ITGAX: variants seen among roughly 807,000 people sequenced by gnomAD.
The protein encoded by ITGAX is integrin subunit alpha X.
A neutral mutation model predicts 140.2 loss-of-function variants in ITGAX; 99 were observed. The ratio of observed to expected loss-of-function variants is 0.71; its 90% confidence interval spans 0.60 to 0.83. The LOEUF is 0.83. Ranked by LOEUF, ITGAX falls within the 40% of genes least tolerant of loss-of-function variation. The pLI, the probability that ITGAX is intolerant of heterozygous loss-of-function variation, is 0.00. For synonymous variants in ITGAX, 631 were observed against 600.4 expected, an observed-to-expected ratio of 1.05 and a Z score of -0.75; for missense variants, 1,444 against 1,482.0, an observed-to-expected ratio of 0.97 and a Z score of 0.42.
intron 14 of ITGAX, among the ~76,000 whole-genome samples, chr16:31,370,674 C>T (rs2080946351): frequency 6.6e-6 from 1 of 152,146 alleles, no homozygotes; most frequent in African/African-American, 2.4e-5. Flanking sequence ...TGGCTGTATC[C>T]TGGGTGCTGT....
In ITGAX at chr16:31,363,510, G is replaced by C; in HGVS notation, c.1710+136G>C. On this transcript the variant is annotated intron_variant, in intron 14 of 29. Coordinates refer to ENST00000268296, the MANE Select transcript of ITGAX (RefSeq NM_000887.5). ...TCTGAGCACCTTGTAGCAGTGGCGT[G>C]GTCTCAGCTCACTGCAACCTCCGCC... 3 of 984,654 alleles carry C rather than the reference G, an allele frequency of 3.0e-6. No individual in the cohort carries two copies. The South Asian group carries it at 4.1e-5, about 14-fold the overall frequency. The allele number at this position is 984,654 out of a possible 1,614,324, so 61.0% of individuals were successfully genotyped here. A position where few individuals can be genotyped will look rare whatever the true frequency, so the allele number is the denominator to read the frequency against.
At chr16:31,365,923 TAAAC>T (rs56112508) in intron 14 of ITGAX, among the ~76,000 whole-genome samples, 4 of 151,532 alleles carry the variant, frequency 2.6e-5, no homozygotes, top group African/African-American at 4.8e-5. Context: ...ACTCCATCTC[TAAAC>T]AAACAAACAA....
chr16:31,371,186 G>A lies in ITGAX; in HGVS notation c.1813G>A (p.Gly605Arg), dbSNP rs765839379. Residue 605 changes from glycine (G) to arginine (R), a missense_variant, in exon 15 of 30, where the codon GGG becomes AGG. Transcript: ENST00000268296. ...TQDGLVDLAV[G>R]ARGQVLLLRT... ...GGATGGACTGGTGGACCTGGCTGTG[G>A]GGGCCCGGGGCCAGGTGCTCCTGCT... 32 of 1,611,094 alleles carry A rather than the reference G, an allele frequency of 2.0e-5. No individual in the cohort carries two copies. Among genetic ancestry groups the A allele is most frequent in the Middle Eastern group, 1.7e-4 (1 of 6,032 alleles).
rs1597086882 is a variant in ITGAX, at chr16:31,382,228, CTTTTTTTTTTTTTTTCT to C, written c.*325_*341del. 34 of 903,560 alleles carry C rather than the reference CTTTTTTTTTTTTTTTCT, an allele frequency of 3.8e-5. No individual in the cohort carries two copies. The highest frequency in any genetic ancestry group is 3.6e-4 in the East Asian group (6 of 16,606). The allele number at this position is 903,560 out of a possible 1,614,324, so 56.0% of individuals were successfully genotyped here. ...GGCACGAATGATCTTTCTTTCCTTT[CTTTTTTTTTTTTTTTCT>C]TTTCTTTTTTTTTTTTTTGAGACGG... On this transcript the variant is annotated 3_prime_UTR_variant, in exon 30 of 30. Coordinates refer to ENST00000268296, the MANE Select transcript of ITGAX (RefSeq NM_000887.5).
intron 14 of ITGAX, among the ~76,000 whole-genome samples, chr16:31,365,020 G>GAACA (rs56052012): frequency 0.29 from 44,379 of 151,110 alleles, 7,596 homozygotes; most frequent in East Asian, 0.7. Context: ...ACTCCGTCTC[G>GAACA]AACAAACAAA....
rs748978672 is a variant in ITGAX, at chr16:31,359,742, G to A, written c.473G>A (p.Gly158Asp). 1.2e-6 allele frequency: 2 copies of A among 1,614,140 alleles called. No individual in the cohort carries two copies. The highest frequency in any genetic ancestry group is 1.7e-6 in the Non-Finnish European group (2 of 1,180,024). Residue 158 changes from glycine (G) to aspartate (D), a missense_variant, in exon 6 of 30, where the codon GGC (glycine) becomes GAC (aspartate). Coordinates refer to ENST00000268296, the MANE Select transcript of ITGAX (RefSeq NM_000887.5). ...QEQDIVFLID[G>D]SGSISSRNFA... Reference sequence around the variant, plus strand: ...CAGGACATTGTGTTCCTGATCGATGGCTCAGGCAGCATCTCCTCCCGCAAC... The same window carrying A: ...CAGGACATTGTGTTCCTGATCGATGACTCAGGCAGCATCTCCTCCCGCAAC...
chr16:31,361,578 T>C, intron 9 of ITGAX: 2 of 709,510 alleles, frequency 2.8e-6, no homozygotes, highest in Non-Finnish European at 5.0e-6. Flanking sequence ...CACGGACACC[T>C]GGCCCCCTCG....
chr16:31,355,388 T>G, intron 1 of ITGAX, 97 bp downstream of exon 1: 1 of 1,336,382 alleles, frequency 7.5e-7, no homozygotes, highest in African/African-American at 1.5e-5. Context: ...AGGATCTGGG[T>G]AGGAAGAGAG....
chr16:31,380,159 C>T (rs906319454), intron 26 of ITGAX, 94 bp downstream of exon 26: 1 of 1,521,232 alleles, frequency 6.6e-7, no homozygotes, highest in Non-Finnish European at 9.1e-7. Context: ...TGCTGAAGTA[C>T]CCTCTTGCAT....
At chr16:31,380,201 G>A (rs2081055785) in intron 26 of ITGAX, 65 bp from the exon 27 acceptor site, 17 of 1,555,546 alleles carry the variant, frequency 1.1e-5, no homozygotes, top group Middle Eastern at 1.7e-4. Context: ...AAGTCACACC[G>A]CATAATGCTG....
At chr16:31,356,901 C>T in intron 3 of ITGAX, 130 bp from the exon 4 acceptor site, 1 of 899,458 alleles carries the variant, frequency 1.1e-6, no homozygotes. Flanking sequence ...TCCCGCAGCT[C>T]TGTCAAGACC....
Position 31,372,915 on chromosome 16 carries a change from A to AAACAACAACAACAACAAC in ITGAX, c.2366+256_2366+273dup, listed in dbSNP as rs58659724. On this transcript the variant is annotated intron_variant, in intron 19 of 29. Transcript: ENST00000268296. ...GCGAGATCCCATTTCCACAAAAACA[A>AAACAACAACAACAACAAC]AACAACAACAACAACAACAACAACA... Among the ~76,000 whole-genome samples the AAACAACAACAACAACAAC allele has an allele frequency of 1.1e-3, 172 of 149,646 alleles. 1 individual carries two copies. The highest frequency in any genetic ancestry group is 5.0e-3 in the East Asian group (25 of 4,988).
chr16:31,382,631 T>C lies in ITGAX; in HGVS notation c.*724T>C. On this transcript the variant is annotated 3_prime_UTR_variant, in exon 30 of 30. Transcript: ENST00000268296. The stretch of plus-strand genomic sequence containing the variant: ...GTCATGTCAGCATCAGCTCAGGGCT[T>C]CATCGTGGGGCTCTCAGTTCCGATT... 2 of 659,698 alleles carry C rather than the reference T, an allele frequency of 3.0e-6. No individual in the cohort carries two copies. Among genetic ancestry groups the C allele is most frequent in the Non-Finnish European group, 5.5e-6 (2 of 361,198 alleles). The allele number at this position is 659,698 out of a possible 1,614,324, so 40.9% of individuals were successfully genotyped here.
In ITGAX at chr16:31,356,748, G is replaced by A. The variant is rs762039100; in HGVS notation, c.247+20G>A. On this transcript the variant is annotated intron_variant, in intron 3 of 29. Transcript: ENST00000268296. ...TGCAGGGTGAGTCACCGCCCCTCCC[G>A]GGACCCAGGGCCGGGCTCCCAGGCT... 12 of 1,537,584 alleles carry A rather than the reference G, an allele frequency of 7.8e-6. No homozygotes were observed. Among genetic ancestry groups the A allele is most frequent in the East Asian group, 4.7e-5 (2 of 42,560 alleles).
chr16:31,357,105 A>G lies in ITGAX; in HGVS notation c.318+4A>G, dbSNP rs2080769792. The G allele has an allele frequency of 2.5e-6, 4 of 1,604,004 alleles. No homozygotes were observed. The East Asian group carries it at 8.9e-5, about 36-fold the overall frequency. On this transcript the variant is annotated splice_donor_region_variant and intron_variant, in intron 4 of 29. Coordinates refer to ENST00000268296, the MANE Select transcript of ITGAX (RefSeq NM_000887.5). ...CACCAGCCCTTCCCAGCTGCTGGTG[A>G]GTGGCCCTGGGTCACAGGAGGCTTC...
intron 20 of ITGAX, among the ~76,000 whole-genome samples, chr16:31,373,959 C>T (rs911693072): frequency 1.1e-4 from 16 of 152,272 alleles, no homozygotes; most frequent in African/African-American, 3.9e-4. Flanking sequence ...GAACTAGGAC[C>T]ACGGGGAGTC....
chr16:31,370,667 C>T (rs765540335), intron 14 of ITGAX, among the ~76,000 whole-genome samples: 8 of 152,166 alleles, frequency 5.3e-5, no homozygotes, highest in East Asian at 1.9e-4. Context: ...TGACTGCTGG[C>T]TGTATCCTGG....
intron 20 of ITGAX, among the ~76,000 whole-genome samples, chr16:31,374,666 C>T (rs1366585117): frequency 1.3e-5 from 2 of 152,040 alleles, no homozygotes; most frequent in Non-Finnish European, 2.9e-5. Flanking sequence ...GGTCTCTAAC[C>T]CCTGGGTTCA....
In ITGAX at chr16:31,355,232, G is replaced by C. The variant is rs748917073; in HGVS notation, c.-23G>C. Reference sequence around the variant, plus strand: ...TCCTGCAACGGCCCAGGAGCTCAGAGCTCCACATCTGACCTTCTAGTCATG... The same window carrying C: ...TCCTGCAACGGCCCAGGAGCTCAGACCTCCACATCTGACCTTCTAGTCATG... On this transcript the variant is annotated 5_prime_UTR_variant, in exon 1 of 30. Coordinates refer to ENST00000268296, the MANE Select transcript of ITGAX (RefSeq NM_000887.5). The C allele has an allele frequency of 1.9e-6, 3 of 1,613,642 alleles. No homozygotes were observed. The highest frequency in any genetic ancestry group is 1.7e-5 in the Admixed American group (1 of 60,016).
Sources: gnomAD v4.1 joint callset for allele counts (sites outside exome capture counted in the v4.1 genomes callset) on GRCh38, gnomAD v4.1.1 for gene constraint, MANE v1.5 for transcripts, NCBI Gene and HGNC (gene_info 2026-07-23, HGNC 2026-07-21) for gene names.